The following ACOT11 variants were observed in gnomAD, a reference collection of about 807,000 sequenced individuals.
ACOT11 encodes acyl-coenzyme A thioesterase 11.
In ACOT11, 69 loss-of-function variants were observed where a neutral mutation model predicts 77.5. That is an observed-to-expected ratio of 0.89 (90% CI 0.73 to 1.09). ACOT11 has a LOEUF of 1.09. ACOT11 is among the 50% of genes least tolerant of loss of function. The pLI is 0.00. For synonymous variants in ACOT11, 279 were observed against 313.0 expected (o/e 0.89, Z 1.15); for missense variants, 766 against 813.7 (o/e 0.94, Z 0.71).
At chr1:54,549,952 C>T (rs535826829) in intron 1 of ACOT11, among the ~76,000 whole-genome samples, 27 of 152,310 alleles carry the variant, frequency 1.8e-4, no homozygotes, top group Middle Eastern at 3.4e-3. Flanking sequence ...AGAGGCATAT[C>T]GTTATCACTG....
At chr1:54,623,262 G>T (rs370931124) in intron 15 of ACOT11, 1 of 1,579,876 alleles carries the variant, frequency 6.3e-7, no homozygotes, top group South Asian at 1.1e-5. Context: ...AGGATGACAT[G>T]GGGGGAGGCA....
chr1:54,590,561 C>T (rs1461642013), intron 3 of ACOT11, among the ~76,000 whole-genome samples: 1 of 152,076 alleles, frequency 6.6e-6, no homozygotes, highest in Non-Finnish European at 1.5e-5. Context: ...ACAAATTCCT[C>T]TCAGCACCAC....
At chr1:54,561,781 G>A (rs1403051972) in intron 1 of ACOT11, among the ~76,000 whole-genome samples, 74 of 122,590 alleles carry the variant, frequency 6.0e-4, no homozygotes, top group Non-Finnish European at 1.1e-3. Flanking sequence ...CCGGGCGGGG[G>A]GCTGACCCCC....
chr1:54,622,310 G>A (rs1447511753), intron 15 of ACOT11, among the ~76,000 whole-genome samples: 3 of 149,112 alleles, frequency 2.0e-5, no homozygotes, highest in Non-Finnish European at 3.0e-5. Flanking sequence ...GCCAGGTATG[G>A]TGGCTCATGC....
At chr1:54,564,822 A>G (rs1308595532) in intron 1 of ACOT11, among the ~76,000 whole-genome samples, 4 of 152,066 alleles carry the variant, frequency 2.6e-5, no homozygotes, top group Non-Finnish European at 5.9e-5. Context: ...GTGGGGGGTG[A>G]TAATGGTCCC....
At chr1:54,574,331 C>A (rs1654027859) in intron 1 of ACOT11, among the ~76,000 whole-genome samples, 1 of 152,192 alleles carries the variant, frequency 6.6e-6, no homozygotes, top group Admixed American at 6.5e-5. Context: ...CTCTGCAGCC[C>A]AGCTGCCCCT....
chr1:54,597,502 T>C, intron 7 of ACOT11, 87 bp downstream of exon 7: 1 of 1,455,020 alleles, frequency 6.9e-7, no homozygotes, highest in Non-Finnish European at 9.1e-7. Context: ...AAACCCCAGC[T>C]TGGGGTTGGC....
intron 1 of ACOT11, among the ~76,000 whole-genome samples, chr1:54,569,226 T>G (rs1284726399): frequency 6.6e-6 from 1 of 151,956 alleles, no homozygotes; most frequent in African/African-American, 2.4e-5. Context: ...CCTCCCAAAG[T>G]GCTGGGATTA....
chr1:54,573,894 T>A (rs1654009228), intron 1 of ACOT11, among the ~76,000 whole-genome samples: 1 of 152,026 alleles, frequency 6.6e-6, no homozygotes, highest in Non-Finnish European at 1.5e-5. Flanking sequence ...CCGGGCGTGA[T>A]GGCGCATGCC....
At chr1:54,612,387 C>T (rs566799550), downstream of ACOT11, 242 of 838,490 alleles carry the variant, frequency 2.9e-4, 1 homozygote, top group African/African-American at 3.0e-3. Context: ...AGGGGTTGGA[C>T]GAAATGACCT....
chr1:54,571,826 C>T (rs1653937603), intron 1 of ACOT11, among the ~76,000 whole-genome samples: 2 of 152,086 alleles, frequency 1.3e-5, no homozygotes, highest in Non-Finnish European at 2.9e-5. Flanking sequence ...CATCTGGGGC[C>T]TTGGGGTAGT....
At chr1:54,590,062 T>C (rs2100985871) in intron 3 of ACOT11, among the ~76,000 whole-genome samples, 1 of 148,634 alleles carries the variant, frequency 6.7e-6, no homozygotes, top group Non-Finnish European at 1.5e-5. Flanking sequence ...CACTCCAGCC[T>C]GGGCAATAGA....
intron 1 of ACOT11, among the ~76,000 whole-genome samples, chr1:54,548,961 A>G (rs952276106): frequency 2.6e-5 from 4 of 152,196 alleles, no homozygotes; most frequent in African/African-American, 9.7e-5. Context: ...AGCGCCTGGC[A>G]GTGGATGGAG....
In ACOT11 at chr1:54,629,278, G is replaced by T. The variant is rs1644287668; in HGVS notation, c.1630-1456G>T. Among the ~76,000 whole-genome samples the T allele has an allele frequency of 3.0e-5, 4 of 132,338 alleles. 1 individual carries two copies. Among genetic ancestry groups the T allele is most frequent in the East Asian group, 2.4e-4 (1 of 4,250 alleles). 86.8% of individuals were successfully genotyped at this position (132,338 alleles called of 152,430 possible). ...AACTTATCAAAAGTAAAATAACATG[G>T]TTTTTTTCTTTTTTGTTTTTTGTTT... On this transcript the variant is annotated intron_variant, in intron 15 of 16. Transcript: ENST00000371316.
intron 4 of ACOT11, among the ~76,000 whole-genome samples, chr1:54,593,067 T>C (rs539774239): frequency 3.3e-5 from 5 of 152,162 alleles, no homozygotes; most frequent in African/African-American, 9.6e-5. Flanking sequence ...TGTGGCAGGG[T>C]TGGAGGACTG....
In ACOT11 at chr1:54,630,649, G is replaced by C. The variant is rs147968398; in HGVS notation, c.1630-85G>C. On this transcript the variant is annotated intron_variant, in intron 15 of 16. Transcript: ENST00000371316. ...AAATACGTGGATAAATCTCTGTTCC[G>C]GGCTCTCAGCTCTGAAGGCTGTGAG... The C allele has an allele frequency of 1.1e-5, 6 of 538,618 alleles. No homozygotes were observed. In the South Asian group the frequency reaches 1.4e-4, roughly 12 times the overall value. 33.4% of individuals were successfully genotyped at this position (538,618 alleles called of 1,614,324 possible).
chr1:54,562,439 G>C lies in ACOT11; in HGVS notation c.33+14097G>C, dbSNP rs1398123758. ...CCCGGACGGGGCGGCTGGCCGGGCG[G>C]GGGGCTGATCCCCCCACCTCCCTCC... is the stretch of plus-strand genomic sequence containing the variant. On this transcript the variant is annotated intron_variant, in intron 1 of 15. Coordinates refer to ENST00000343744, the MANE Select transcript of ACOT11 (RefSeq NM_147161.4). 7.4e-3 allele frequency among the ~76,000 whole-genome samples: 617 copies of C among 83,860 alleles called. 31 individuals are homozygous for C. Among genetic ancestry groups the C allele is most frequent in the African/African-American group, 0.046 (555 of 12,100 alleles). The allele number at this position is 83,860 out of a possible 152,430, so 55.0% of individuals were successfully genotyped here.
At chr1:54,564,878 G>A (rs1471208801) in intron 1 of ACOT11, among the ~76,000 whole-genome samples, 1 of 152,202 alleles carries the variant, frequency 6.6e-6, no homozygotes, top group South Asian at 2.1e-4. Context: ...TGCCATGGCA[G>A]GTATTTACAG....
chr1:54,611,404 AAATAAAT>A (rs1371749080), downstream of ACOT11, among the ~76,000 whole-genome samples: 1 of 152,134 alleles, frequency 6.6e-6, no homozygotes, highest in East Asian at 1.9e-4. Flanking sequence ...CATCTCAAAA[AAATAAAT>A]AAATAAAAAT....
Sources: gnomAD v4.1 joint callset for allele counts (sites outside exome capture counted in the v4.1 genomes callset) on GRCh38, gnomAD v4.1.1 for gene constraint, MANE v1.5 for transcripts, NCBI Gene and HGNC (gene_info 2026-07-23, HGNC 2026-07-21) for gene names.